NKAIN2: variants seen among roughly 807,000 people sequenced by gnomAD.
The protein encoded by NKAIN2 is sodium/potassium transporting ATPase interacting 2.
In NKAIN2, 14 loss-of-function variants were observed where a neutral mutation model predicts 32.6. The ratio of observed to expected loss-of-function variants is 0.43; its 90% CI spans 0.28 to 0.67. The LOEUF (loss-of-function observed/expected upper bound fraction) is 0.67. NKAIN2 is among the 30% of genes least tolerant of loss of function. The pLI is 0.17. For synonymous variants in NKAIN2, 80 were observed against 87.2 expected (o/e 0.92, Z 0.46); for missense variants, 198 against 258.3 (o/e 0.77, Z 1.60).
At chr6:124,735,061 A>C (rs1179534498) in intron 4 of NKAIN2, among the ~76,000 whole-genome samples, 1 of 151,922 alleles carries the variant, frequency 6.6e-6, no homozygotes, top group Non-Finnish European at 1.5e-5. Flanking sequence ...GATTTGTGAA[A>C]TGTTGAAAAA....
At chr6:124,552,695 G>A (rs1780335966) in intron 3 of NKAIN2, among the ~76,000 whole-genome samples, 1 of 152,182 alleles carries the variant, frequency 6.6e-6, no homozygotes, top group Non-Finnish European at 1.5e-5. Context: ...TTGTTGAACA[G>A]GGGGAACAAA....
chr6:124,174,891 G>C (rs984275852), intron 1 of NKAIN2, among the ~76,000 whole-genome samples: 5 of 152,108 alleles, frequency 3.3e-5, no homozygotes. Context: ...CTGAAAGATT[G>C]TCCCTCTAGC....
At chr6:124,119,586 C>T (rs1421651664) in intron 1 of NKAIN2, among the ~76,000 whole-genome samples, 1 of 152,204 alleles carries the variant, frequency 6.6e-6, no homozygotes, top group African/African-American at 2.4e-5. Context: ...ATCTAACTCA[C>T]AGACGTATTT....
At chr6:124,238,584 A>T (rs1474255958) in intron 1 of NKAIN2, among the ~76,000 whole-genome samples, 3 of 152,186 alleles carry the variant, frequency 2.0e-5, no homozygotes, top group Non-Finnish European at 4.4e-5. Flanking sequence ...TGCAGCTCCC[A>T]GCGAGATCAA....
intron 1 of NKAIN2, among the ~76,000 whole-genome samples, chr6:123,830,627 T>G (rs2114911702): frequency 6.6e-6 from 1 of 152,372 alleles, no homozygotes; most frequent in South Asian, 2.1e-4. Flanking sequence ...TCAGGTCAAC[T>G]TCACCCACTG....
chr6:124,145,915 T>A (rs1325085924), intron 1 of NKAIN2, among the ~76,000 whole-genome samples: 1 of 152,118 alleles, frequency 6.6e-6, no homozygotes, highest in Non-Finnish European at 1.5e-5. Flanking sequence ...TGAGGGATCC[T>A]TGTGGTGATA....
At chr6:124,031,600 G>T (rs1582960308) in intron 1 of NKAIN2, among the ~76,000 whole-genome samples, 1 of 152,116 alleles carries the variant, frequency 6.6e-6, no homozygotes, top group African/African-American at 2.4e-5. Context: ...AGAGATTCTG[G>T]TATGTTGTGT....
chr6:124,805,141 T>C (rs1780473128), intron 5 of NKAIN2, among the ~76,000 whole-genome samples: 1 of 152,162 alleles, frequency 6.6e-6, no homozygotes, highest in Admixed American at 6.5e-5. Context: ...AGAGCAGTGG[T>C]TCTCCCAGCA....
intron 3 of NKAIN2, among the ~76,000 whole-genome samples, chr6:124,386,883 T>A (rs1223160777): frequency 6.6e-6 from 1 of 152,164 alleles, no homozygotes; most frequent in Non-Finnish European, 1.5e-5. Flanking sequence ...TTGTAACACA[T>A]CAATGATTTT....
At chr6:124,145,931 G>C (rs1381328258) in intron 1 of NKAIN2, among the ~76,000 whole-genome samples, 1 of 152,162 alleles carries the variant, frequency 6.6e-6, no homozygotes, top group Non-Finnish European at 1.5e-5. Context: ...TGATAGAATA[G>C]CTCATGATCT....
chr6:124,596,242 C>A (rs1782082036), intron 3 of NKAIN2, among the ~76,000 whole-genome samples: 1 of 152,052 alleles, frequency 6.6e-6, no homozygotes, highest in South Asian at 2.1e-4. Flanking sequence ...CAGGGATTAC[C>A]CCTGGGGCTC....
chr6:123,824,647 A>G (rs6908231), intron 1 of NKAIN2, among the ~76,000 whole-genome samples: 23,678 of 151,686 alleles, frequency 0.16, 4,386 homozygotes, highest in African/African-American at 0.45. Flanking sequence ...TGATGGGTTG[A>G]TAGGTGCAGC....
rs913795074 is a variant in NKAIN2 at position 124,586,216 on chromosome 6, C to A, written c.274-71970C>A. Among the ~76,000 whole-genome samples the A allele has an allele frequency of 2.0e-5, 3 of 152,124 alleles. No individual in the cohort carries two copies. In the East Asian group the frequency reaches 5.8e-4, roughly 29 times the overall value. ...CATATAAATAGTACCACATATATAG[C>A]TAAAATGTTTAAAATAAAGAAGAAA... On this transcript the variant is annotated intron_variant, in intron 3 of 6. Transcript: ENST00000368417.
intron 1 of NKAIN2, among the ~76,000 whole-genome samples, chr6:123,810,461 C>T (rs1347217256): frequency 6.6e-6 from 1 of 152,138 alleles, no homozygotes; most frequent in Non-Finnish European, 1.5e-5. Flanking sequence ...GGTTTGACAA[C>T]TATGAGCAGC....
chr6:124,707,945 G>C (rs1775190596), intron 4 of NKAIN2, among the ~76,000 whole-genome samples: 1 of 151,160 alleles, frequency 6.6e-6, no homozygotes, highest in Non-Finnish European at 1.5e-5. Flanking sequence ...GTAATGCCTA[G>C]GTTTTCTTCT....
At chr6:124,754,690 T>G (rs1484523742) in intron 4 of NKAIN2, among the ~76,000 whole-genome samples, 1 of 151,504 alleles carries the variant, frequency 6.6e-6, no homozygotes, top group African/African-American at 2.4e-5. Context: ...TTGGTGGGAG[T>G]GCAAATTAAT....
intron 1 of NKAIN2, among the ~76,000 whole-genome samples, chr6:124,042,191 GC>G (rs1781902635): frequency 6.6e-6 from 1 of 152,060 alleles, no homozygotes; most frequent in Non-Finnish European, 1.5e-5. Flanking sequence ...AACTCCACCT[GC>G]CCCTCAAACT....
At chr6:123,873,875 G>A (rs1032720334) in intron 1 of NKAIN2, among the ~76,000 whole-genome samples, 2 of 152,134 alleles carry the variant, frequency 1.3e-5, no homozygotes, top group African/African-American at 2.4e-5. Context: ...GTAAATGCAC[G>A]CTGTTCATTC....
chr6:124,467,734 T>A (rs1358328133), intron 3 of NKAIN2, among the ~76,000 whole-genome samples: 1 of 152,130 alleles, frequency 6.6e-6, no homozygotes, highest in Non-Finnish European at 1.5e-5. Context: ...ATCCTTAACA[T>A]CTGGTACAAA....
Sources: allele counts gnomAD v4.1 joint callset (sites outside exome capture counted in the v4.1 genomes callset), GRCh38; gene constraint gnomAD v4.1.1; transcripts MANE v1.5; gene names NCBI Gene and HGNC (gene_info 2026-07-23, HGNC 2026-07-21).